C4orf51: variants seen among roughly 807,000 people sequenced by gnomAD.
The protein encoded by C4orf51 is uncharacterized protein C4orf51.
In C4orf51, 25 loss-of-function variants were observed where a neutral mutation model predicts 25.2. The observed-to-expected ratio is 0.99, with a 90% CI of 0.72 to 1.39. C4orf51 has a LOEUF of 1.39. Among genes scored for constraint, C4orf51 ranks in the 40% most tolerant of loss-of-function variants. C4orf51 has a pLI of 0.00. For missense variants in C4orf51, 252 were observed against 239.6 expected, an observed-to-expected ratio of 1.05 and a Z score of -0.34; for synonymous variants, 100 against 84.5, an observed-to-expected ratio of 1.18 and a Z score of -1.01.
At chr4:145,696,442 A>C in intron 1 of C4orf51, 117 bp from the exon 2 acceptor site, 3 of 857,204 alleles carry the variant, frequency 3.5e-6, no homozygotes, top group East Asian at 2.5e-5. Context: ...ATGTACTCCC[A>C]AACCTAAAAT....
At position 145,760,096 on chromosome 4, in the gene C4orf51, A is replaced by G. The variant is rs548532618; in HGVS notation, n.167-10892A>G. 11 of 152,344 alleles carry G rather than the reference A, an allele frequency of 7.2e-5. No individual in the cohort carries two copies. The East Asian group carries it at 9.6e-4, about 13-fold the overall frequency. 9.4% of individuals were successfully genotyped at this position (152,344 alleles called of 1,614,324 possible). A position where few individuals can be genotyped will look rare whatever the true frequency, so the allele number is the denominator to read the frequency against. ...GAGAAGATCTGAGCGCAAGGTCTCC[A>G]GCGCTCTGGCGGAAATCTCCAGCAG... On this transcript the variant is annotated intron_variant and non_coding_transcript_variant, in intron 1 of 1. Transcript: ENST00000510096.
At chr4:145,733,331 C>T (rs1732609166), downstream of C4orf51, among the ~76,000 whole-genome samples, 1 of 152,214 alleles carries the variant, frequency 6.6e-6, no homozygotes, top group Admixed American at 6.5e-5. Flanking sequence ...TTCCCCCCCA[C>T]CACCGCCCGC....
intron 2 of C4orf51, among the ~76,000 whole-genome samples, chr4:145,726,153 G>C (rs1426309777): frequency 6.6e-6 from 1 of 152,096 alleles, no homozygotes; most frequent in Non-Finnish European, 1.5e-5. Flanking sequence ...TTACCTGTTT[G>C]ATGCTTACTT....
intron 2 of C4orf51, among the ~76,000 whole-genome samples, chr4:145,708,509 G>A (rs899307853): frequency 2.0e-5 from 3 of 152,140 alleles, no homozygotes; most frequent in African/African-American, 7.2e-5. Context: ...CCTATATGGG[G>A]CATCCCCTAT....
the C4orf51 span, among the ~76,000 whole-genome samples, chr4:145,787,593 T>G: frequency 6.6e-6 from 1 of 152,126 alleles, no homozygotes; most frequent in Non-Finnish European, 1.5e-5. Context: ...CAACCTCCAA[T>G]GCTTAACAAA....
chr4:145,691,314 G>C (rs989999161), intron 1 of C4orf51, among the ~76,000 whole-genome samples: 1 of 152,170 alleles, frequency 6.6e-6, no homozygotes, highest in African/African-American at 2.4e-5. Context: ...TGAGGTTGAA[G>C]AGAAAAGGGA....
rs909932307 is a variant in C4orf51 at position 145,762,062 on chromosome 4, A to G, written n.167-8926A>G. 1.3e-5 allele frequency among the ~76,000 whole-genome samples: 2 copies of G among 152,180 alleles called. No homozygotes were observed. The highest frequency in any genetic ancestry group is 4.8e-5 in the African/African-American group (2 of 41,458). Reference sequence around the variant, plus strand: ...CACACCAAGCACACGCAGAAAGGCTAAGAGGTTTTAAAGAACAGCTTATAG... The same window carrying G: ...CACACCAAGCACACGCAGAAAGGCTGAGAGGTTTTAAAGAACAGCTTATAG... On this transcript the variant is annotated intron_variant and non_coding_transcript_variant, in intron 1 of 1. Coordinates refer to the C4orf51 transcript ENST00000510096. This position sits in a 1 kb window ranked among gnomAD's most constrained non-coding sequence, Gnocchi z 4.9.
At chr4:145,781,779 A>G in the C4orf51 span, among the ~76,000 whole-genome samples, 1 of 152,252 alleles carries the variant, frequency 6.6e-6, no homozygotes, top group Non-Finnish European at 1.5e-5. Flanking sequence ...TAATCAAAAC[A>G]GTGCTTCAAA....
chr4:145,774,463 G>A, downstream of C4orf51: 2 of 1,581,124 alleles, frequency 1.3e-6, no homozygotes, highest in African/African-American at 1.3e-5. Flanking sequence ...TGGGGTGCAG[G>A]GGATGGAGAA....
chr4:145,695,637 G>T (rs946818873), intron 1 of C4orf51, among the ~76,000 whole-genome samples: 16 of 152,224 alleles, frequency 1.1e-4, no homozygotes, highest in African/African-American at 3.6e-4. Flanking sequence ...GGCTTTTGTT[G>T]TGATTGCTTT....
chr4:145,780,992 C>T, the C4orf51 span, among the ~76,000 whole-genome samples: 1 of 151,974 alleles, frequency 6.6e-6, no homozygotes, highest in Non-Finnish European at 1.5e-5. Context: ...GTCAGAAGAT[C>T]GAGACCATCC....
chr4:145,723,654 T>A (rs911935221), intron 2 of C4orf51, among the ~76,000 whole-genome samples: 2 of 152,224 alleles, frequency 1.3e-5, no homozygotes, highest in Non-Finnish European at 1.5e-5. Context: ...ACCTAATACC[T>A]AAAGATAGAA....
intron 2 of C4orf51, among the ~76,000 whole-genome samples, chr4:145,700,541 C>T (rs200932605): frequency 2.0e-5 from 3 of 152,098 alleles, no homozygotes; most frequent in Admixed American, 2.0e-4. Context: ...TCCAAATAGC[C>T]GGAAAATGGC....
chr4:145,736,778 C>G (rs770962623), downstream of C4orf51, among the ~76,000 whole-genome samples: 18 of 152,164 alleles, frequency 1.2e-4, no homozygotes, highest in Non-Finnish European at 2.6e-4. Context: ...TGGCACACAT[C>G]AGGGATGGTG....
intron 1 of C4orf51, among the ~76,000 whole-genome samples, chr4:145,687,714 AG>A (rs1275145840): frequency 6.6e-6 from 1 of 152,216 alleles, no homozygotes; most frequent in Non-Finnish European, 1.5e-5. Context: ...GGAGTGAAAA[AG>A]CAGCAGCATG....
chr4:145,719,265 A>G, intron 2 of C4orf51, among the ~76,000 whole-genome samples: 1 of 144,842 alleles, frequency 6.9e-6, no homozygotes, highest in East Asian at 2.1e-4. Context: ...TTGTCTTCCA[A>G]AAGGAAACTT....
the C4orf51 span, among the ~76,000 whole-genome samples, chr4:145,791,037 T>G: frequency 6.6e-6 from 1 of 152,230 alleles, no homozygotes; most frequent in Non-Finnish European, 1.5e-5. Flanking sequence ...TATGTAATTA[T>G]TTTTCCTCAG....
chr4:145,770,634 C>T (rs1041467256), intron 1 of C4orf51, among the ~76,000 whole-genome samples: 1 of 151,656 alleles, frequency 6.6e-6, no homozygotes, highest in Non-Finnish European at 1.5e-5. Context: ...TTGTATTTTC[C>T]CATGCTATTT....
At chr4:145,728,717 A>G (rs1313466502) in intron 3 of C4orf51, among the ~76,000 whole-genome samples, 1 of 152,216 alleles carries the variant, frequency 6.6e-6, no homozygotes, top group Non-Finnish European at 1.5e-5. Context: ...AAATTTTAGC[A>G]AGTAGGTGAA....
Sources: gnomAD v4.1 joint callset for allele counts (sites outside exome capture counted in the v4.1 genomes callset) on GRCh38, gnomAD v4.1.1 for gene constraint, Gnocchi (gnomAD v3.1) non-coding constraint, MANE v1.5 for transcripts, NCBI Gene and HGNC (gene_info 2026-07-23, HGNC 2026-07-21) for gene names.